CFAP54: variants seen among roughly 807,000 people sequenced by gnomAD.
CFAP54 encodes the protein cilia- and flagella-associated protein 54.
Under a neutral mutation model 370.4 loss-of-function variants are expected in CFAP54, and 290 were observed. That is an observed-to-expected ratio of 0.78 (90% confidence interval 0.71 to 0.86). The LOEUF (loss-of-function observed/expected upper bound fraction) is 0.86, where lower values mean the gene tolerates loss of function less well. Ranked by LOEUF, CFAP54 falls within the 40% of genes least tolerant of loss-of-function variation. CFAP54 has a pLI of 0.00. For synonymous variants in CFAP54, 1,206 were observed against 1,236.5 expected, an observed-to-expected ratio of 0.98 and a Z score of 0.52; for missense variants, 3,399 against 3,528.7, an observed-to-expected ratio of 0.96 and a Z score of 0.93.
At chr12:96,867,508 T>TC (rs1426164463) in intron 67 of CFAP54, among the ~76,000 whole-genome samples, 1 of 152,162 alleles carries the variant, frequency 6.6e-6, no homozygotes, top group Non-Finnish European at 1.5e-5. Flanking sequence ...AACGTAAGTC[T>TC]CCATCAGTGA....
intron 14 of CFAP54, among the ~76,000 whole-genome samples, chr12:96,544,013 A>G (rs895134945): frequency 1.3e-5 from 2 of 152,162 alleles, no homozygotes; most frequent in African/African-American, 4.8e-5. Context: ...ATACTATGAT[A>G]TATGATATAT....
intron 63 of CFAP54, among the ~76,000 whole-genome samples, chr12:96,810,420 G>A (rs1191233315): frequency 6.6e-6 from 1 of 152,140 alleles, no homozygotes. Flanking sequence ...CAGAGGTAAA[G>A]GCATGTGCTT....
intron 45 of CFAP54, among the ~76,000 whole-genome samples, chr12:96,699,155 A>G (rs1957465922): frequency 6.6e-6 from 1 of 152,174 alleles, no homozygotes; most frequent in Non-Finnish European, 1.5e-5. Flanking sequence ...AGGGTGAAGT[A>G]ACAAAGTTAT....
intron 38 of CFAP54, 27 bp downstream of exon 38, chr12:96,658,373 A>G (rs1184827882): frequency 6.2e-7 from 1 of 1,611,102 alleles, no homozygotes; most frequent in Non-Finnish European, 8.5e-7. Context: ...TCTATTATTC[A>G]TGCTGTTGTG....
intron 47 of CFAP54, among the ~76,000 whole-genome samples, chr12:96,708,041 C>T (rs1957564272): frequency 6.6e-6 from 1 of 151,976 alleles, no homozygotes; most frequent in Non-Finnish European, 1.5e-5. Context: ...CGTTTTCCAC[C>T]CCAGGGATGC....
Position 96,592,639 on chromosome 12 carries a change from TA to T in CFAP54, c.3360+4del. The T allele has an allele frequency of 9.3e-7, 1 of 1,076,286 alleles. No homozygotes were observed. The highest frequency in any genetic ancestry group is 1.2e-6 in the Non-Finnish European group (1 of 802,328). 66.7% of individuals were successfully genotyped at this position (1,076,286 alleles called of 1,614,324 possible). A position where few individuals can be genotyped will look rare whatever the true frequency, so the allele number is the denominator to read the frequency against. The stretch of plus-strand genomic sequence containing the variant: ...AATGAGATTTTCCCATCTCAACAAG[TA>T]AGTGAATTAAAGTGACTAAAAACAT... On this transcript the variant is annotated splice_donor_region_variant and intron_variant, in intron 24 of 67. Transcript: ENST00000524981.
At chr12:96,845,446 C>CCT (rs550086538) in intron 66 of CFAP54, among the ~76,000 whole-genome samples, 74 of 152,284 alleles carry the variant, frequency 4.9e-4, no homozygotes, top group African/African-American at 1.4e-3. Context: ...AACTCTCAAC[C>CCT]CTCTCTAGCA....
chr12:96,631,902 G>A (rs950499046), intron 32 of CFAP54, among the ~76,000 whole-genome samples: 2 of 151,612 alleles, frequency 1.3e-5, no homozygotes, highest in Admixed American at 6.6e-5. Flanking sequence ...CAGCGTTGCG[G>A]TTTTCAAGAT....
chr12:96,554,715 G>A lies in CFAP54; in HGVS notation c.2323G>A (p.Ala775Thr). The A allele has an allele frequency of 6.5e-7, 1 of 1,534,918 alleles. No homozygotes were observed. The highest frequency in any genetic ancestry group is 2.4e-5 in the East Asian group (1 of 40,848). The change falls in exon 17 of 68, where the codon GCC becomes ACC. Residue 775 changes from alanine to threonine, a missense_variant. By Grantham distance (58) the Ala-to-Thr change is moderately conservative. Coordinates refer to ENST00000524981, the MANE Select transcript of CFAP54 (RefSeq NM_001306084.2). ...AGATGGAGATACTTACAAACCACTTGCCTCAAATAGTTTCATGATGGATTT... is the reference window on the plus strand; with the variant it reads ...AGATGGAGATACTTACAAACCACTTACCTCAAATAGTTTCATGATGGATTT... ...HIDGDTYKPL[A>T]SNSFMMDLHL...
chr12:96,599,089 A>G (rs1428072447), intron 26 of CFAP54, among the ~76,000 whole-genome samples: 2 of 152,240 alleles, frequency 1.3e-5, no homozygotes, highest in East Asian at 1.9e-4. Flanking sequence ...TACATATGCC[A>G]TGTTGGTTTG....
chr12:96,806,504 T>A (rs1958884416), intron 63 of CFAP54, among the ~76,000 whole-genome samples: 1 of 151,936 alleles, frequency 6.6e-6, no homozygotes, highest in Non-Finnish European at 1.5e-5. Context: ...TGGAAGACTT[T>A]ATACCCCTAA....
chr12:96,644,629 G>T (rs572123136), intron 33 of CFAP54, among the ~76,000 whole-genome samples: 2 of 152,074 alleles, frequency 1.3e-5, no homozygotes, highest in South Asian at 4.2e-4. Context: ...AGTTCCATTG[G>T]GGAGGGCTCA....
chr12:96,734,906 A>G (rs1457994943), intron 50 of CFAP54, among the ~76,000 whole-genome samples: 2 of 152,238 alleles, frequency 1.3e-5, no homozygotes, highest in Non-Finnish European at 2.9e-5. Flanking sequence ...AGTAAATATG[A>G]CAAATAGTTC....
At chr12:96,617,644 T>C (rs1360004138) in intron 26 of CFAP54, among the ~76,000 whole-genome samples, 1 of 152,154 alleles carries the variant, frequency 6.6e-6, no homozygotes, top group Admixed American at 6.5e-5. Flanking sequence ...ACACATTAAT[T>C]CGTGTTGTGC....
chr12:96,699,034 A>G (rs1433079773), intron 45 of CFAP54, among the ~76,000 whole-genome samples: 3 of 152,158 alleles, frequency 2.0e-5, no homozygotes, highest in East Asian at 3.8e-4. Flanking sequence ...GTAGCCCACA[A>G]TCAGTCTGAT....
intron 58 of CFAP54, among the ~76,000 whole-genome samples, chr12:96,759,166 A>G (rs1352519875): frequency 6.6e-6 from 1 of 151,898 alleles, no homozygotes; most frequent in Non-Finnish European, 1.5e-5. Context: ...AATTATTCAT[A>G]TGGCAGCTGC....
intron 63 of CFAP54, among the ~76,000 whole-genome samples, chr12:96,804,101 G>A (rs1958851787): frequency 6.6e-6 from 1 of 152,028 alleles, no homozygotes; most frequent in Non-Finnish European, 1.5e-5. Flanking sequence ...GAATACACTT[G>A]AAAGCTTTAG....
Position 96,592,654 on chromosome 12 carries a change from G to A in CFAP54, c.3360+17G>A, listed in dbSNP as rs1380103845. The A allele has an allele frequency of 2.2e-6, 2 of 894,534 alleles. No individual in the cohort carries two copies. Among genetic ancestry groups the A allele is most frequent in the South Asian group, 2.8e-5 (1 of 36,344 alleles). The allele number at this position is 894,534 out of a possible 1,614,324, so 55.4% of individuals were successfully genotyped here. On this transcript the variant is annotated intron_variant, in intron 24 of 67. Coordinates refer to ENST00000524981, the MANE Select transcript of CFAP54 (RefSeq NM_001306084.2). ...TCTCAACAAGTAAGTGAATTAAAGT[G>A]ACTAAAAACATGTCAGATTCACTGT...
intron 47 of CFAP54, among the ~76,000 whole-genome samples, chr12:96,705,004 A>T (rs144678757): frequency 6.0e-4 from 92 of 152,162 alleles, no homozygotes; most frequent in African/African-American, 2.2e-3. Flanking sequence ...AATGATTGGG[A>T]CTTAAGCACT....
Sources: gnomAD v4.1 joint callset for allele counts (sites outside exome capture counted in the v4.1 genomes callset) on GRCh38, gnomAD v4.1.1 for gene constraint, MANE v1.5 for transcripts, NCBI Gene and HGNC (gene_info 2026-07-23, HGNC 2026-07-21) for gene names.